Variants in SGMS1 observed in about 807,000 individuals in gnomAD.
The protein encoded by SGMS1 is phosphatidylcholine:ceramide cholinephosphotransferase 1.
Under a neutral mutation model 46.2 loss-of-function variants are expected in SGMS1, and 13 were observed. The observed-to-expected ratio is 0.28, with a 90% CI of 0.18 to 0.45. The LOEUF is 0.45. Among genes scored for constraint, SGMS1 ranks in the 20% least tolerant of loss-of-function variants. The pLI is 1.00. For missense variants in SGMS1, 324 were observed against 519.9 expected, an observed-to-expected ratio of 0.62 and a Z score of 3.66; for synonymous variants, 203 against 187.8, an observed-to-expected ratio of 1.08 and a Z score of -0.66.
intron 2 of SGMS1, among the ~76,000 whole-genome samples, chr10:50,548,868 C>T (rs564945568): frequency 3.3e-4 from 50 of 151,240 alleles, no homozygotes; most frequent in African/African-American, 1.1e-3. Context: ...GAAAAAAAAA[C>T]CATTAAAAAG....
At chr10:50,597,534 C>T (rs934078050) in intron 1 of SGMS1, among the ~76,000 whole-genome samples, 1 of 152,204 alleles carries the variant, frequency 6.6e-6, no homozygotes, top group African/African-American at 2.4e-5. Flanking sequence ...CTGTATAATC[C>T]CACTTACATA....
intron 8 of SGMS1, among the ~76,000 whole-genome samples, chr10:50,326,129 A>C (rs1181954695): frequency 6.6e-6 from 1 of 152,152 alleles, no homozygotes; most frequent in African/African-American, 2.4e-5. Flanking sequence ...TTCCAGAGGT[A>C]AGGAAGTAGT....
Position 50,459,741 on chromosome 10 carries a change from A to C in SGMS1, c.-313+932T>G, listed in dbSNP as rs1837241384. On this transcript the variant is annotated intron_variant, in intron 5 of 10. Coordinates refer to ENST00000361781, the MANE Select transcript of SGMS1 (RefSeq NM_147156.4). ...TTTTAAAACTCTGCTTCAAAAAGGG[A>C]ATACAGCAGGGCATACTATTTCTAT... 3.3e-5 allele frequency among the ~76,000 whole-genome samples: 5 copies of C among 152,218 alleles called. No homozygotes were observed. The South Asian group carries it at 1.0e-3, about 31-fold the overall frequency.
chr10:50,439,207 T>G, intron 5 of SGMS1, among the ~76,000 whole-genome samples: 1 of 152,132 alleles, frequency 6.6e-6, no homozygotes, highest in Admixed American at 6.5e-5. Flanking sequence ...CAAATGTAAA[T>G]ATTCTTAAAT....
intron 5 of SGMS1, among the ~76,000 whole-genome samples, chr10:50,453,320 C>A (rs996216880): frequency 6.6e-6 from 1 of 151,874 alleles, no homozygotes; most frequent in Non-Finnish European, 1.5e-5. Flanking sequence ...AGATAAAAAA[C>A]TCATGTGAAT....
intron 3 of SGMS1, among the ~76,000 whole-genome samples, chr10:50,519,458 T>A (rs1160425644): frequency 2.0e-5 from 3 of 152,298 alleles, no homozygotes; most frequent in Non-Finnish European, 2.9e-5. Context: ...TGCCCCCAAC[T>A]AACATTATCC....
intron 6 of SGMS1, among the ~76,000 whole-genome samples, chr10:50,417,159 G>A (rs1849182565): frequency 1.3e-5 from 2 of 152,086 alleles, no homozygotes; most frequent in South Asian, 4.1e-4. Flanking sequence ...AGTCGTCACA[G>A]GATTCCACTT....
intron 6 of SGMS1, among the ~76,000 whole-genome samples, chr10:50,356,850 A>G (rs1848158496): frequency 6.6e-6 from 1 of 151,920 alleles, no homozygotes; most frequent in Admixed American, 6.6e-5. Flanking sequence ...TCTCACTCAT[A>G]GGTGGGAATT....
intron 6 of SGMS1, among the ~76,000 whole-genome samples, chr10:50,367,485 T>TG (rs1848364495): frequency 6.6e-6 from 1 of 152,184 alleles, no homozygotes; most frequent in Non-Finnish European, 1.5e-5. Flanking sequence ...CAGCACCACT[T>TG]GCGTGCCCAC....
intron 3 of SGMS1, among the ~76,000 whole-genome samples, chr10:50,498,595 C>G (rs528040528): frequency 6.6e-6 from 1 of 152,322 alleles, no homozygotes; most frequent in Admixed American, 6.5e-5. Flanking sequence ...ATTTCACTTA[C>G]TATAATGTCC....
chr10:50,619,645 A>T (rs1838830362), intron 1 of SGMS1, among the ~76,000 whole-genome samples: 1 of 152,238 alleles, frequency 6.6e-6, no homozygotes, highest in African/African-American at 2.4e-5. Context: ...CTCAGCTCTC[A>T]GCACCAGGAG....
intron 3 of SGMS1, among the ~76,000 whole-genome samples, chr10:50,509,558 A>G (rs1194110153): frequency 6.6e-6 from 1 of 152,234 alleles, no homozygotes; most frequent in Admixed American, 6.5e-5. Context: ...CAAAGGAATC[A>G]GGAGAGGTGA....
At chr10:50,327,960 A>T in intron 7 of SGMS1, 1 of 282,442 alleles carries the variant, frequency 3.5e-6, no homozygotes. Flanking sequence ...ACAACATTAG[A>T]AATGATGTCT....
chr10:50,575,372 A>G (rs1483158558), intron 2 of SGMS1, among the ~76,000 whole-genome samples: 1 of 152,000 alleles, frequency 6.6e-6, no homozygotes, highest in African/African-American at 2.4e-5. Context: ...TAGGCAGCCT[A>G]GCAAGACCCC....
chr10:50,591,886 T>C (rs892627409), intron 1 of SGMS1, among the ~76,000 whole-genome samples: 2 of 152,244 alleles, frequency 1.3e-5, no homozygotes, highest in African/African-American at 4.8e-5. Context: ...ACCAGAATTC[T>C]GTAGACACAG....
chr10:50,339,108 C>A (rs1269174031), intron 7 of SGMS1, among the ~76,000 whole-genome samples: 1 of 152,240 alleles, frequency 6.6e-6, no homozygotes, highest in Non-Finnish European at 1.5e-5. Flanking sequence ...CAGCCACATT[C>A]TTTTAAACAC....
chr10:50,594,543 GTTAT>G (rs1227316615), intron 1 of SGMS1, among the ~76,000 whole-genome samples: 2 of 152,218 alleles, frequency 1.3e-5, no homozygotes, highest in African/African-American at 4.8e-5. Flanking sequence ...CTATAAAATT[GTTAT>G]TTATTACACT....
intron 6 of SGMS1, among the ~76,000 whole-genome samples, chr10:50,410,670 G>A (rs1166166055): frequency 1.3e-5 from 2 of 152,206 alleles, no homozygotes; most frequent in African/African-American, 2.4e-5. Flanking sequence ...GGTATTCACC[G>A]ATGAGGGCAA....
At chr10:50,594,055 C>G (rs192696340) in intron 1 of SGMS1, among the ~76,000 whole-genome samples, 121 of 152,310 alleles carry the variant, frequency 7.9e-4, no homozygotes, top group Non-Finnish European at 1.2e-3. Context: ...GTACAATTGA[C>G]TCTTTAGCCG....
Sources: allele counts gnomAD v4.1 joint callset (sites outside exome capture counted in the v4.1 genomes callset), GRCh38; gene constraint gnomAD v4.1.1; transcripts MANE v1.5; gene names NCBI Gene and HGNC (gene_info 2026-07-23, HGNC 2026-07-21).